The following SLC6A3 variants were observed in gnomAD, a reference collection of about 807,000 sequenced individuals.
The protein encoded by SLC6A3 is sodium-dependent dopamine transporter.
SLC6A3 carries 19 observed loss-of-function variants against 70.4 expected under a neutral mutation model. The ratio of observed to expected loss-of-function variants is 0.27; its 90% CI spans 0.19 to 0.40. The LOEUF (loss-of-function observed/expected upper bound fraction) is 0.40. Among genes scored for constraint, SLC6A3 ranks in the 10% least tolerant of loss-of-function variants. The pLI is 1.00. For synonymous variants in SLC6A3, 368 were observed against 356.6 expected, an observed-to-expected ratio of 1.03 and a Z score of -0.36; for missense variants, 613 against 838.5, an observed-to-expected ratio of 0.73 and a Z score of 3.32.
At chr5:1,416,256 A>G (rs1756289365) in intron 6 of SLC6A3, 55 bp from the exon 7 acceptor site, 2 of 1,342,044 alleles carry the variant, frequency 1.5e-6, no homozygotes, top group Non-Finnish European at 2.1e-6. Flanking sequence ...GGCCACAGGC[A>G]AAGGACCTGA....
chr5:1,397,023 T>TAAAAAAAAAAA lies in SLC6A3; in HGVS notation c.1840-2266_1840-2265insTTTTTTTTTTT. Among the ~76,000 whole-genome samples, 1 of 152,192 alleles carries TAAAAAAAAAAA rather than the reference T, an allele frequency of 6.6e-6. No homozygotes were observed. The highest frequency in any genetic ancestry group is 2.1e-4 in the South Asian group (1 of 4,826). ...TTGTTACGGTGACAAATTAATAATT[T>TAAAAAAAAAAA]AAAAATGGCCACATGTGGATTAATG... On this transcript the variant is annotated intron_variant, in intron 14 of 14. Transcript: ENST00000270349. The surrounding 1 kb of genome is among the most constrained non-coding windows in gnomAD (Gnocchi z 4.7).
intron 11 of SLC6A3, among the ~76,000 whole-genome samples, chr5:1,407,453 C>A (rs1251935151): frequency 2.6e-5 from 4 of 152,238 alleles, no homozygotes; most frequent in African/African-American, 7.2e-5. Context: ...AGGGCCCCTG[C>A]CGGAGCAGGA....
chr5:1,428,593 G>C (rs1756624663), intron 4 of SLC6A3, among the ~76,000 whole-genome samples: 1 of 152,168 alleles, frequency 6.6e-6, no homozygotes, highest in East Asian at 1.9e-4. Flanking sequence ...CCTCCCTCTG[G>C]TGGGTGGGCT....
intron 3 of SLC6A3, among the ~76,000 whole-genome samples, chr5:1,434,832 G>C (rs533884040): frequency 6.6e-6 from 1 of 152,266 alleles, no homozygotes; most frequent in South Asian, 2.1e-4. Flanking sequence ...CATGCTCAGG[G>C]CACCTCAGTA....
intron 8 of SLC6A3, among the ~76,000 whole-genome samples, chr5:1,412,451 C>T (rs1371872072): frequency 2.6e-5 from 4 of 152,222 alleles, no homozygotes; most frequent in African/African-American, 9.6e-5. Context: ...CTGAGGGCGG[C>T]ATGGCAAAGG....
At chr5:1,444,346 G>C (rs960302559) in intron 1 of SLC6A3, among the ~76,000 whole-genome samples, 1 of 152,072 alleles carries the variant, frequency 6.6e-6, no homozygotes, top group East Asian at 1.9e-4. Context: ...TTTCAGTCGA[G>C]CGCACGCACA....
chr5:1,414,918 A>C, intron 7 of SLC6A3, 103 bp from the exon 8 acceptor site: 1 of 1,446,200 alleles, frequency 6.9e-7, no homozygotes, highest in South Asian at 1.2e-5. Context: ...AGGGGGCGGG[A>C]GGTCTTCGGA....
At chr5:1,432,136 G>A (rs543701485) in intron 4 of SLC6A3, among the ~76,000 whole-genome samples, 1 of 152,302 alleles carries the variant, frequency 6.6e-6, no homozygotes, top group Admixed American at 6.5e-5. Flanking sequence ...CCCAGAGACT[G>A]GAGCTTGCCC....
intron 3 of SLC6A3, among the ~76,000 whole-genome samples, 186 bp downstream of exon 3, chr5:1,441,173 G>C (rs1432427232): frequency 6.6e-6 from 1 of 152,262 alleles, no homozygotes; most frequent in Non-Finnish European, 1.5e-5. Context: ...GCAAGGGAAT[G>C]AACTATCCAG....
rs757682842 is a variant in SLC6A3, at chr5:1,437,329, T to A, written c.418+4030A>T. 1.3e-5 allele frequency among the ~76,000 whole-genome samples: 2 copies of A among 150,298 alleles called. No individual in the cohort carries two copies. The highest frequency in any genetic ancestry group is 6.6e-5 in the Admixed American group (1 of 15,160). On this transcript the variant is annotated intron_variant, in intron 3 of 14. Transcript: ENST00000270349. This position sits in a 1 kb window ranked among gnomAD's most constrained non-coding sequence, Gnocchi z 4.8. ...TCTGTGTCAGTCTGGGTGTCTTTAGTATGTGCTTGCTGTGTGTGCATGTAC... is the reference window on the plus strand; with the variant it reads ...TCTGTGTCAGTCTGGGTGTCTTTAGAATGTGCTTGCTGTGTGTGCATGTAC...
Position 1,402,093 on chromosome 5 carries a change from G to T in SLC6A3, c.1767+829C>A, listed in dbSNP as rs1444699556. Among the ~76,000 whole-genome samples the T allele has an allele frequency of 6.6e-6, 1 of 152,170 alleles. No homozygotes were observed. The highest frequency in any genetic ancestry group is 2.4e-5 in the African/African-American group (1 of 41,442). Reference sequence around the variant, plus strand: ...GGGGACACCGTGTGGCCCTAAGGTGGAATCCTTGAACACAGCTGGTGCTGC... The same window carrying T: ...GGGGACACCGTGTGGCCCTAAGGTGTAATCCTTGAACACAGCTGGTGCTGC... On this transcript the variant is annotated intron_variant, in intron 13 of 14. Transcript: ENST00000270349. This position sits in a 1 kb window ranked among gnomAD's most constrained non-coding sequence, Gnocchi z 8.5.
chr5:1,434,204 G>A (rs951080714), intron 3 of SLC6A3, among the ~76,000 whole-genome samples: 7 of 152,182 alleles, frequency 4.6e-5, no homozygotes, highest in South Asian at 2.1e-4. Flanking sequence ...CCAGGGCCAC[G>A]TAAGACCACC....
At chr5:1,444,952 G>A (rs368877268) in intron 1 of SLC6A3, among the ~76,000 whole-genome samples, 3 of 152,120 alleles carry the variant, frequency 2.0e-5, no homozygotes, top group African/African-American at 7.2e-5. Flanking sequence ...TGGAGCGGCG[G>A]TGTACAAAAC....
At chr5:1,426,344 G>GC (rs1464486553) in intron 4 of SLC6A3, among the ~76,000 whole-genome samples, 1 of 152,070 alleles carries the variant, frequency 6.6e-6, no homozygotes, top group Non-Finnish European at 1.5e-5. Flanking sequence ...TTTAAGACAG[G>GC]CCTGGGCAAC....
Position 1,422,100 on chromosome 5 carries a change from C to G in SLC6A3, c.654-86G>C. 6 of 1,409,972 alleles carry G rather than the reference C, an allele frequency of 4.3e-6. No individual in the cohort carries two copies. In the South Asian group the frequency reaches 6.1e-5, roughly 14 times the overall value. The allele number at this position is 1,409,972 out of a possible 1,614,324, so 87.3% of individuals were successfully genotyped here. ...GGCTGAGCTTGTCCGGGGACCTGCC[C>G]TCCCCATCTCAGCAGGGCAGAAAGC... On this transcript the variant is annotated intron_variant, in intron 4 of 14. Coordinates refer to ENST00000270349, the MANE Select transcript of SLC6A3 (RefSeq NM_001044.5).
Position 1,415,501 on chromosome 5 carries a change from G to A in SLC6A3, c.1031+597C>T, listed in dbSNP as rs149005111. ...GTGAAGCCTGCTTGTGGTCTGCCTGGCCATTCTGCTGCACACACTGTCCTT... is the reference window on the plus strand; with the variant it reads ...GTGAAGCCTGCTTGTGGTCTGCCTGACCATTCTGCTGCACACACTGTCCTT... On this transcript the variant is annotated intron_variant, in intron 7 of 14. Transcript: ENST00000270349. 1.1e-3 allele frequency among the ~76,000 whole-genome samples: 162 copies of A among 152,298 alleles called. 1 individual carries two copies. Among genetic ancestry groups the A allele is most frequent in the African/African-American group, 3.7e-3 (154 of 41,576 alleles).
rs991103855 is a variant in SLC6A3 at position 1,396,640 on chromosome 5, C to G, written c.1840-1882G>C. 1.3e-5 allele frequency among the ~76,000 whole-genome samples: 2 copies of G among 150,268 alleles called. No individual in the cohort carries two copies. Among genetic ancestry groups the G allele is most frequent in the Non-Finnish European group, 3.0e-5 (2 of 66,946 alleles). On this transcript the variant is annotated intron_variant, in intron 14 of 14. Transcript: ENST00000270349. The surrounding 1 kb of genome is among the most constrained non-coding windows in gnomAD (Gnocchi z 7.0). Reference sequence around the variant, plus strand: ...GCTGAGGGTTCAGACGAGCACATCCCGCTGTGAATGAGGAGGCTGGGGAGA... The same window carrying G: ...GCTGAGGGTTCAGACGAGCACATCCGGCTGTGAATGAGGAGGCTGGGGAGA...
At chr5:1,427,964 T>C (rs1756610204) in intron 4 of SLC6A3, among the ~76,000 whole-genome samples, 1 of 152,162 alleles carries the variant, frequency 6.6e-6, no homozygotes, top group Admixed American at 6.5e-5. Flanking sequence ...AGTAAGGATG[T>C]AGAAAACCTG....
In SLC6A3 at chr5:1,409,713, G is replaced by T; in HGVS notation, c.1398+8C>A. 1.9e-6 allele frequency: 3 copies of T among 1,613,120 alleles called. No homozygotes were observed. Among genetic ancestry groups the T allele is most frequent in the Admixed American group, 1.7e-5 (1 of 60,032 alleles). On this transcript the variant is annotated splice_region_variant and intron_variant, in intron 10 of 14. Coordinates refer to ENST00000270349, the MANE Select transcript of SLC6A3 (RefSeq NM_001044.5). ...CCAGGAGAAGGCGAAGCCGGCGATGGTACGTACGTTGGTGACGCAGAACAG... is the reference window on the plus strand; with the variant it reads ...CCAGGAGAAGGCGAAGCCGGCGATGTTACGTACGTTGGTGACGCAGAACAG...
Sources: gnomAD v4.1 joint callset for allele counts (sites outside exome capture counted in the v4.1 genomes callset) on GRCh38, gnomAD v4.1.1 for gene constraint, Gnocchi (gnomAD v3.1) non-coding constraint, MANE v1.5 for transcripts, NCBI Gene and HGNC (gene_info 2026-07-23, HGNC 2026-07-21) for gene names.